The following ANXA5 variants were observed in gnomAD, a reference collection of about 807,000 sequenced individuals.
ANXA5 encodes the protein CBP-I.
ANXA5 carries 40 observed loss-of-function variants against 48.1 expected under a neutral mutation model. That is an observed-to-expected ratio of 0.83 (90% CI 0.65 to 1.08). The LOEUF (loss-of-function observed/expected upper bound fraction) is 1.08. ANXA5 is among the 50% of genes least tolerant of loss of function. The probability of loss-of-function intolerance (pLI) is 0.00; values close to 1 mark genes in which losing one functional copy is unlikely to be tolerated. For synonymous variants in ANXA5, 113 were observed against 129.1 expected (o/e 0.88, Z 0.85); for missense variants, 357 against 376.8 (o/e 0.95, Z 0.44).
chr4:121,692,808 C>G (rs1309464987), intron 2 of ANXA5, among the ~76,000 whole-genome samples: 1 of 152,222 alleles, frequency 6.6e-6, no homozygotes, highest in Non-Finnish European at 1.5e-5. Context: ...CTTGGCAATG[C>G]ATCTATTATA....
chr4:121,695,902 A>C (rs1725071332), intron 2 of ANXA5, among the ~76,000 whole-genome samples: 4 of 150,844 alleles, frequency 2.7e-5, no homozygotes, highest in Admixed American at 2.6e-4. Context: ...ACTCCGTCTC[A>C]AAAAAAAAGG....
intron 2 of ANXA5, among the ~76,000 whole-genome samples, chr4:121,688,359 G>T (rs1724927174): frequency 6.6e-6 from 1 of 152,092 alleles, no homozygotes; most frequent in South Asian, 2.1e-4. Flanking sequence ...CCTTCAGCAA[G>T]AATCCTATTA....
intron 8 of ANXA5, among the ~76,000 whole-genome samples, chr4:121,677,637 A>G (rs973870295): frequency 2.6e-5 from 4 of 152,192 alleles, no homozygotes; most frequent in Non-Finnish European, 5.9e-5. Context: ...AATGTTCAAT[A>G]ATCACAAAAA....
At chr4:121,686,933 T>A (rs1219379030) in intron 2 of ANXA5, among the ~76,000 whole-genome samples, 1 of 152,352 alleles carries the variant, frequency 6.6e-6, no homozygotes, top group Admixed American at 6.5e-5. Flanking sequence ...ACATTCTTCA[T>A]AAAGCTTCCT....
intron 6 of ANXA5, 47 bp downstream of exon 6, chr4:121,681,624 G>A (rs754925388): frequency 1.6e-6 from 2 of 1,283,548 alleles, no homozygotes; most frequent in Admixed American, 3.5e-5. Context: ...AGAAATGAAG[G>A]AAGTGATAGT....
At chr4:121,676,078 T>A (rs1333311801) in intron 8 of ANXA5, among the ~76,000 whole-genome samples, 1 of 152,154 alleles carries the variant, frequency 6.6e-6, no homozygotes, top group Non-Finnish European at 1.5e-5. Flanking sequence ...CCAGAACTCC[T>A]ATCCTACTCT....
At chr4:121,690,884 C>A (rs1415923094) in intron 2 of ANXA5, among the ~76,000 whole-genome samples, 2 of 152,178 alleles carry the variant, frequency 1.3e-5, no homozygotes, top group Non-Finnish European at 1.5e-5. Context: ...ATAGCAAAGC[C>A]ACGTAGCGGT....
rs780760057 is a variant in ANXA5 at position 121,671,675 on chromosome 4, T to C, written c.626-33A>G. The C allele has an allele frequency of 2.3e-5, 32 of 1,380,332 alleles. 1 individual carries two copies. In the South Asian group the frequency reaches 3.6e-4, roughly 16 times the overall value. 85.5% of individuals were successfully genotyped at this position (1,380,332 alleles called of 1,614,324 possible). ...AAATAAAAATGATTCCCTAATCATGTAGGGATCACTCTTTCCAGAAAGATG... is the reference window on the plus strand; with the variant it reads ...AAATAAAAATGATTCCCTAATCATGCAGGGATCACTCTTTCCAGAAAGATG... On this transcript the variant is annotated intron_variant, in intron 9 of 12. Coordinates refer to ENST00000296511, the MANE Select transcript of ANXA5 (RefSeq NM_001154.4).
intron 5 of ANXA5, among the ~76,000 whole-genome samples, chr4:121,682,636 A>C (rs1432393149): frequency 6.6e-6 from 1 of 152,112 alleles, no homozygotes; most frequent in African/African-American, 2.4e-5. Flanking sequence ...GAAGAGACTG[A>C]GCACAAACCA....
chr4:121,670,111 C>G (rs1724589086), intron 10 of ANXA5, 99 bp from the exon 11 acceptor site: 1 of 811,750 alleles, frequency 1.2e-6, no homozygotes, highest in South Asian at 1.8e-5. Context: ...AGCTCTACTT[C>G]TATAAAAACA....
At position 121,671,620 on chromosome 4, in the gene ANXA5, T is replaced by C; in HGVS notation, c.648A>G (p.Ile216Met). 1 of 1,612,592 alleles carries C rather than the reference T, an allele frequency of 6.2e-7. No homozygotes were observed. The highest frequency in any genetic ancestry group is 8.5e-7 in the Non-Finnish European group (1 of 1,178,758). ...LRKVFDKYMTISGFQIEETID... is the reference protein window; with the variant it reads ...LRKVFDKYMTMSGFQIEETID... ...TGGTTTCCTCAATTTGAAATCCTGA[T>C]ATAGTCATGTACTTGTCAAACACTA... is the stretch of plus-strand genomic sequence containing the variant. Residue 216 changes from isoleucine to methionine, a missense_variant, in exon 10 of 13, where the codon ATA becomes ATG. Transcript: ENST00000296511.
At chr4:121,694,350 T>A (rs574698320) in intron 2 of ANXA5, among the ~76,000 whole-genome samples, 22 of 152,268 alleles carry the variant, frequency 1.4e-4, no homozygotes, top group Non-Finnish European at 2.4e-4. Context: ...TTTGCCTTCA[T>A]GACATTCTTA....
chr4:121,675,596 G>C (rs1214887945), intron 8 of ANXA5, among the ~76,000 whole-genome samples: 2 of 152,214 alleles, frequency 1.3e-5, no homozygotes, highest in African/African-American at 4.8e-5. Context: ...TTCCATTCAA[G>C]GGATACTTTA....
intron 2 of ANXA5, among the ~76,000 whole-genome samples, chr4:121,691,798 T>G (rs1029858006): frequency 3.9e-5 from 6 of 152,058 alleles, no homozygotes; most frequent in Admixed American, 1.3e-4. Flanking sequence ...GCAATAATGG[T>G]TCCCGCTAAT....
chr4:121,696,629 A>C lies in ANXA5; in HGVS notation c.-35-5T>G. 1 of 1,379,432 alleles carries C rather than the reference A, an allele frequency of 7.2e-7. No homozygotes were observed. Among genetic ancestry groups the C allele is most frequent in the Non-Finnish European group, 9.5e-7 (1 of 1,055,714 alleles). The allele number at this position is 1,379,432 out of a possible 1,614,324, so 85.4% of individuals were successfully genotyped here. A position where few individuals can be genotyped will look rare whatever the true frequency, so the allele number is the denominator to read the frequency against. On this transcript the variant is annotated splice_polypyrimidine_tract_variant and splice_region_variant and intron_variant, in intron 1 of 12. Coordinates refer to ENST00000296511, the MANE Select transcript of ANXA5 (RefSeq NM_001154.4). ...TCAGGGGAAGGTGAAGCAGGACTGC[A>C]AAAGAGAAGAAACCTCGGGCTTAGC... is the stretch of plus-strand genomic sequence containing the variant.
chr4:121,686,273 G>C lies in ANXA5; in HGVS notation c.94+15C>G, dbSNP rs1381727973. On this transcript the variant is annotated intron_variant, in intron 3 of 12. Coordinates refer to ENST00000296511, the MANE Select transcript of ANXA5 (RefSeq NM_001154.4). ...AAATATCACATTTGCTTTAGAAAGA[G>C]GAAGCTAAATTTACCCAAGCCTTTC... 3 of 1,598,278 alleles carry C rather than the reference G, an allele frequency of 1.9e-6. No homozygotes were observed. The highest frequency in any genetic ancestry group is 2.6e-6 in the Non-Finnish European group (3 of 1,166,996).
In ANXA5 at chr4:121,669,641, A is replaced by G. The variant is rs776843685; in HGVS notation, c.864T>C (p.Phe288=). The change falls in exon 12 of 13, where the codon TTT becomes TTC. Residue 288 remains phenylalanine (F), a synonymous_variant. Transcript: ENST00000296511. ...AAAGAGAGGTGGCAAAATTCTTCCTAAACTCCTTCCTGATGTTAAACAGAT... is the reference window on the plus strand; with the variant it reads ...AAAGAGAGGTGGCAAAATTCTTCCTGAACTCCTTCCTGATGTTAAACAGAT... ...EIDLFNIRKE[F]RKNFATSLYS... 17 of 1,613,570 alleles carry G rather than the reference A, an allele frequency of 1.1e-5. No homozygotes were observed. The East Asian group carries it at 3.1e-4, about 30-fold the overall frequency.
chr4:121,670,000 C>A lies in ANXA5; in HGVS notation c.734G>T (p.Arg245Leu), dbSNP rs145513784. Reference sequence around the variant, plus strand: ...CTCTGCAAGGTAGGCAGGTATACTTCGAATAGATTTCACTAAGAAAATAAA... The same window carrying A: ...CTCTGCAAGGTAGGCAGGTATACTTAGAATAGATTTCACTAAGAAAATAAA... The part of the protein sequence containing the change: ...QLLLAVVKSI[R>L]SIPAYLAETL... The change falls in exon 11 of 13, where the codon CGA (arginine) becomes CTA (leucine). Residue 245 changes from arginine (R) to leucine (L), a missense_variant. By Grantham distance (102) the Arg-to-Leu change is moderately radical. Coordinates refer to ENST00000296511, the MANE Select transcript of ANXA5 (RefSeq NM_001154.4). The A allele has an allele frequency of 1.2e-6, 2 of 1,601,328 alleles. No homozygotes were observed. Among genetic ancestry groups the A allele is most frequent in the Non-Finnish European group, 1.7e-6 (2 of 1,173,622 alleles).
intron 3 of ANXA5, among the ~76,000 whole-genome samples, chr4:121,685,812 T>C (rs1724877346): frequency 6.6e-6 from 1 of 152,158 alleles, no homozygotes; most frequent in African/African-American, 2.4e-5. Context: ...GGCTGCCTTA[T>C]CGACTCGGGC....
Sources: gnomAD v4.1 joint callset for allele counts (sites outside exome capture counted in the v4.1 genomes callset) on GRCh38, gnomAD v4.1.1 for gene constraint, MANE v1.5 for transcripts, NCBI Gene and HGNC (gene_info 2026-07-23, HGNC 2026-07-21) for gene names.